Variants in COL11A1 observed in about 807,000 individuals in gnomAD.
COL11A1 encodes the protein collagen type XI alpha 1 chain, also known as collagen alpha-1(XI) chain.
A neutral mutation model predicts 265.2 loss-of-function variants in COL11A1; 74 were observed. That is an observed-to-expected ratio of 0.28 (90% CI 0.23 to 0.34). The LOEUF (loss-of-function observed/expected upper bound fraction) is 0.34, where lower values mean the gene tolerates loss of function less well. COL11A1 is among the 10% of genes least tolerant of loss of function. COL11A1 has a pLI of 1.00. For missense variants in COL11A1, 2,165 were observed against 2,263.6 expected (o/e 0.96, Z 0.88); for synonymous variants, 816 against 727.6 (o/e 1.12, Z -1.96).
intron 30 of COL11A1, among the ~76,000 whole-genome samples, chr1:102,985,959 C>G (rs1235004255): frequency 1.3e-5 from 2 of 152,040 alleles, no homozygotes; most frequent in African/African-American, 2.4e-5. Flanking sequence ...GTAGAAGTTG[C>G]AAAGTATGAA....
intron 24 of COL11A1, among the ~76,000 whole-genome samples, chr1:102,999,612 TA>T (rs1244569872): frequency 6.6e-6 from 1 of 151,752 alleles, no homozygotes; most frequent in African/African-American, 2.4e-5. Flanking sequence ...CTATTTTAGT[TA>T]ATTAACTTAA....
intron 54 of COL11A1, among the ~76,000 whole-genome samples, chr1:102,908,826 T>A (rs1654303016): frequency 6.6e-6 from 1 of 152,104 alleles, no homozygotes; most frequent in African/African-American, 2.4e-5. Flanking sequence ...CATAATTTTA[T>A]TTTTTTAAGG....
At position 102,888,727 on chromosome 1, in the gene COL11A1, G is replaced by A; in HGVS notation, c.4550C>T (p.Ser1517Phe). The A allele has an allele frequency of 6.2e-7, 1 of 1,613,992 alleles. No homozygotes were observed. The highest frequency in any genetic ancestry group is 1.1e-5 in the South Asian group (1 of 91,086). Residue 1517 changes from serine (S) to phenylalanine (F), a missense_variant, in exon 61 of 67, where the codon TCT (serine) becomes TTT (phenylalanine). By Grantham distance (155) the Ser-to-Phe change is radical (BLOSUM62 -2). Coordinates refer to ENST00000370096, the MANE Select transcript of COL11A1 (RefSeq NM_001854.4). ...GTCAAAGGGAAAAGTACTTACAGTA[G>A]AGCCTTTGTTACCCTTTGGGCCTTG... The part of the protein sequence containing the change: ...GPQGPKGNKG[S>F]TGPAGQKGDS...
At chr1:103,101,422 G>C (rs17101127) in intron 1 of COL11A1, among the ~76,000 whole-genome samples, 10,079 of 151,922 alleles carry the variant, frequency 0.066, 484 homozygotes, top group African/African-American at 0.13. Flanking sequence ...TTTTCTTTCT[G>C]TGCAGAGCTA....
chr1:103,099,378 AAGAATGAG>A (rs768265863), intron 1 of COL11A1, among the ~76,000 whole-genome samples: 85 of 151,326 alleles, frequency 5.6e-4, no homozygotes, highest in Non-Finnish European at 1.0e-3. Context: ...TTCTAACTTG[AAGAATGAG>A]TTTATTGAAA....
chr1:103,060,896 T>G (rs2102197518), intron 4 of COL11A1, among the ~76,000 whole-genome samples: 2 of 152,192 alleles, frequency 1.3e-5, no homozygotes, highest in East Asian at 3.9e-4. Context: ...TGGTGAATAT[T>G]ATTCTAACTA....
chr1:102,898,837 A>T lies in COL11A1; in HGVS notation c.4141-64T>A, dbSNP rs574423112. On this transcript the variant is annotated intron_variant, in intron 55 of 66. Coordinates refer to ENST00000370096, the MANE Select transcript of COL11A1 (RefSeq NM_001854.4). The stretch of plus-strand genomic sequence containing the variant: ...GAAAATACTTTTATTATTTTATTAA[A>T]TGCACTGAAAAAAGTAGATCAGTTT... 1.5e-5 allele frequency: 22 copies of T among 1,488,512 alleles called. No homozygotes were observed. In the East Asian group the frequency reaches 4.8e-4, roughly 32 times the overall value. The allele number at this position is 1,488,512 out of a possible 1,614,324, so 92.2% of individuals were successfully genotyped here.
chr1:102,989,112 G>T (rs900444619), intron 29 of COL11A1, among the ~76,000 whole-genome samples: 5 of 151,942 alleles, frequency 3.3e-5, no homozygotes, highest in Non-Finnish European at 5.9e-5. Context: ...GAAAATTCAT[G>T]AAAGTTACAG....
chr1:103,045,303 A>C (rs1322319324), intron 4 of COL11A1, among the ~76,000 whole-genome samples: 1 of 152,170 alleles, frequency 6.6e-6, no homozygotes, highest in Non-Finnish European at 1.5e-5. Flanking sequence ...TCATTCATTC[A>C]TTTGTTCTTT....
In COL11A1 at chr1:102,965,503, C is replaced by G; in HGVS notation, c.2900G>C (p.Gly967Ala). 1 of 1,613,450 alleles carries G rather than the reference C, an allele frequency of 6.2e-7. No homozygotes were observed. The change falls in exon 38 of 67, where the codon GGA (glycine) becomes GCA (alanine). Residue 967 changes from glycine to alanine, a missense_variant. By Grantham distance (60) the Gly-to-Ala change is moderately conservative. Coordinates refer to ENST00000370096, the MANE Select transcript of COL11A1 (RefSeq NM_001854.4). ...GGAACATACCTGTGGTCCAACCACT[C>G]CCCCTGGCCCAGGAGGGCCGGTCTT... ...QGKTGPPGPG[G>A]VVGPQGPTGE...
In COL11A1 at chr1:102,921,657, G is replaced by A. The variant is rs1365226808; in HGVS notation, c.3655-86C>T. The A allele has an allele frequency of 4.2e-6, 5 of 1,180,680 alleles. No individual in the cohort carries two copies. The African/African-American group carries it at 7.7e-5, about 18-fold the overall frequency. 73.1% of individuals were successfully genotyped at this position (1,180,680 alleles called of 1,614,324 possible). A position where few individuals can be genotyped will look rare whatever the true frequency, so the allele number is the denominator to read the frequency against. On this transcript the variant is annotated intron_variant, in intron 47 of 66. Transcript: ENST00000370096. ...CATTTTATGACTGAAAAATCTAAAA[G>A]AAGTTTAAGCTTGTAAAAACTATAG...
At chr1:103,106,754 C>T (rs1674722471) in intron 1 of COL11A1, among the ~76,000 whole-genome samples, 1 of 152,126 alleles carries the variant, frequency 6.6e-6, no homozygotes, top group South Asian at 2.1e-4. Flanking sequence ...CTAGCGCTGC[C>T]TGCTACTCGG....
chr1:102,911,468 T>C (rs1033011885), intron 54 of COL11A1, among the ~76,000 whole-genome samples: 21 of 152,280 alleles, frequency 1.4e-4, no homozygotes, highest in African/African-American at 4.6e-4. Flanking sequence ...TCACATATTT[T>C]ACTCATGTGC....
intron 46 of COL11A1, among the ~76,000 whole-genome samples, chr1:102,930,884 G>T (rs1203578116): frequency 6.6e-6 from 1 of 151,702 alleles, no homozygotes; most frequent in African/African-American, 2.4e-5. Flanking sequence ...TTGCGTAGAG[G>T]TGTTTGCAGT....
intron 48 of COL11A1, among the ~76,000 whole-genome samples, chr1:102,921,153 T>C (rs1655948997): frequency 6.6e-6 from 1 of 152,106 alleles, no homozygotes; most frequent in Non-Finnish European, 1.5e-5. Context: ...AATGCAAAGC[T>C]TTTACATGAA....
intron 63 of COL11A1, among the ~76,000 whole-genome samples, chr1:102,884,031 G>A (rs1330176908): frequency 6.6e-6 from 1 of 152,012 alleles, no homozygotes; most frequent in Admixed American, 6.6e-5. Flanking sequence ...CTGACAATAC[G>A]GCTTTAGTTA....
intron 35 of COL11A1, among the ~76,000 whole-genome samples, chr1:102,977,454 G>T (rs1329519080): frequency 6.6e-6 from 1 of 152,080 alleles, no homozygotes; most frequent in African/African-American, 2.4e-5. Flanking sequence ...CATACTGTTG[G>T]ATGACAGTAT....
chr1:103,026,426 T>C (rs1667524851), intron 5 of COL11A1, 94 bp from the exon 6 acceptor site: 1 of 822,606 alleles, frequency 1.2e-6, no homozygotes, highest in East Asian at 2.5e-5. Flanking sequence ...ATAGTGTAAA[T>C]GTTAAGAGAT....
chr1:103,002,689 A>T, intron 22 of COL11A1, 58 bp downstream of exon 22: 1 of 1,439,120 alleles, frequency 6.9e-7, no homozygotes, highest in Non-Finnish European at 9.8e-7. Flanking sequence ...ACAACAAAAA[A>T]TGGTTTCTTA....
Sources: allele counts gnomAD v4.1 joint callset (sites outside exome capture counted in the v4.1 genomes callset), GRCh38; gene constraint gnomAD v4.1.1; transcripts MANE v1.5; gene names NCBI Gene and HGNC (gene_info 2026-07-23, HGNC 2026-07-21).